PRKCSH: variants seen among roughly 807,000 people sequenced by gnomAD.
The protein encoded by PRKCSH is PRKCSH beta subunit of glucosidase II, also known as glucosidase 2 subunit beta.
PRKCSH carries 42 observed loss-of-function variants against 79.7 expected under a neutral mutation model. The observed-to-expected ratio is 0.53, with a 90% CI of 0.41 to 0.68. The LOEUF (loss-of-function observed/expected upper bound fraction) is 0.68. PRKCSH is among the 30% of genes least tolerant of loss of function. The probability of loss-of-function intolerance (pLI) is 0.00; values close to 1 mark genes in which losing one functional copy is unlikely to be tolerated. For synonymous variants in PRKCSH, 325 were observed against 288.2 expected (o/e 1.13, Z -1.29); for missense variants, 686 against 709.0 (o/e 0.97, Z 0.37).
chr19:11,441,408 A>T (rs769117850), intron 6 of PRKCSH, 51 bp downstream of exon 6: 2 of 1,560,138 alleles, frequency 1.3e-6, no homozygotes, highest in Admixed American at 1.7e-5. Flanking sequence ...TTGAGGCCTC[A>T]TAGTGTGGGC....
At chr19:11,438,307 G>A (rs1181525146) in intron 5 of PRKCSH, among the ~76,000 whole-genome samples, 183 bp downstream of exon 5, 9 of 152,060 alleles carry the variant, frequency 5.9e-5, no homozygotes, top group African/African-American at 9.7e-5. Context: ...ATTGTTTCCC[G>A]ATTCAACAGA....
rs1413946094 is a variant in PRKCSH, at chr19:11,449,077, A to C, written c.1363A>C (p.Thr455Pro). The part of the protein sequence containing the change: ...KLGGSPTSLG[T>P]WGSWIGPDHD... ...CTCAGCACCCTGTGTCTCTCACAGC[A>C]CCTGGGGCTCATGGATTGGCCCCGA... is the stretch of plus-strand genomic sequence containing the variant. Residue 455 changes from threonine to proline, a missense_variant and splice_region_variant, in exon 16 of 18, where the codon ACC (threonine) becomes CCC (proline). Thr to Pro is a conservative substitution (Grantham distance 38, BLOSUM62 -1). Around this residue, in one of 2 missense-constraint regions of PRKCSH, gnomAD observed 137 missense variants for 188.8 expected, o/e 0.73. Transcript: ENST00000677123. The surrounding 1 kb of genome is among the most constrained non-coding windows in gnomAD (Gnocchi z 6.4). The C allele has an allele frequency of 6.2e-7, 1 of 1,613,166 alleles. No homozygotes were observed. Among genetic ancestry groups the C allele is most frequent in the East Asian group, 2.2e-5 (1 of 44,872 alleles).
At position 11,447,079 on chromosome 19, in the gene PRKCSH, C is replaced by T. The variant is rs142664324; in HGVS notation, c.768C>T (p.Leu256=). The T allele has an allele frequency of 4.3e-5, 69 of 1,613,882 alleles. No homozygotes were observed. The highest frequency in any genetic ancestry group is 5.8e-5 in the Non-Finnish European group (69 of 1,179,892). Residue 256 remains leucine, a synonymous_variant, in exon 10 of 18, where the codon CTC becomes CTT. Transcript: ENST00000677123. This position sits in a 1 kb window ranked among gnomAD's most constrained non-coding sequence, Gnocchi z 5.6. ...ACCACCCCCAACACACACAGGCCCT[C>T]CTCAGTGGGGACACACAGACAGACG... ...GALSEAEAQA[L]LSGDTQTDAT...
At position 11,436,193 on chromosome 19, in the gene PRKCSH, A is replaced by C. The variant is rs1185476888; in HGVS notation, c.76A>C (p.Thr26Pro). Residue 26 changes from threonine to proline, a missense_variant, in exon 2 of 18, where the codon ACC becomes CCC. Thr to Pro is a conservative substitution (Grantham distance 38). Transcript: ENST00000677123. ...EVKRPRGVSL[T>P]NHHFYDESKP... ...CAAGAGGCCCCGGGGCGTCTCCCTC[A>C]CCAGTGAGTCCTCCTGTTCACCCTC... 6.3e-7 allele frequency: 1 copy of C among 1,585,240 alleles called. No homozygotes were observed. Among genetic ancestry groups the C allele is most frequent in the South Asian group, 1.1e-5 (1 of 88,550 alleles).
chr19:11,438,147 C>T (rs1969871342), intron 5 of PRKCSH, 23 bp downstream of exon 5: 1 of 1,612,816 alleles, frequency 6.2e-7, no homozygotes. Flanking sequence ...CAGTACCCCT[C>T]CCATCACCCC....
At chr19:11,446,799 T>G (rs1040467254) in intron 9 of PRKCSH, among the ~76,000 whole-genome samples, 2 of 151,990 alleles carry the variant, frequency 1.3e-5, no homozygotes, top group Admixed American at 6.5e-5. Context: ...GGTCCTGGGC[T>G]CTCTCTTCCT....
Position 11,448,651 on chromosome 19 carries a change from G to C in PRKCSH, c.1286+22G>C. The C allele has an allele frequency of 1.2e-6, 2 of 1,606,164 alleles. No individual in the cohort carries two copies. The highest frequency in any genetic ancestry group is 4.5e-5 in the East Asian group (2 of 44,836). Reference sequence around the variant, plus strand: ...ACGAGTGCGTCCCAGGAATGCAGGGGCCCCCACTGGCAGGGTGGGAGGCGG... The same window carrying C: ...ACGAGTGCGTCCCAGGAATGCAGGGCCCCCCACTGGCAGGGTGGGAGGCGG... On this transcript the variant is annotated intron_variant, in intron 14 of 17. Transcript: ENST00000677123. This position sits in a 1 kb window ranked among gnomAD's most constrained non-coding sequence, Gnocchi z 4.4.
chr19:11,446,286 A>G lies in PRKCSH; in HGVS notation c.698A>G (p.Glu233Gly), dbSNP rs1346957434. ...CGCCCCCGCAGGGTCTCGGTGACTG[A>G]GCTGCAGACTCACCCGGAGCTGGAC... ...DDMDGTVSVT[E>G]LQTHPELDTD... The change falls in exon 9 of 18, where the codon GAG becomes GGG. Residue 233 changes from glutamate (E) to glycine (G), a missense_variant. Glu to Gly is a moderately conservative substitution (Grantham distance 98). This residue lies in a region of PRKCSH where 549 missense variants were observed against 520.2 expected (regional missense o/e 1.06). Transcript: ENST00000677123. 6.2e-7 allele frequency: 1 copy of G among 1,613,088 alleles called. No individual in the cohort carries two copies. The highest frequency in any genetic ancestry group is 8.5e-7 in the Non-Finnish European group (1 of 1,179,608).
Position 11,442,459 on chromosome 19 carries a change from A to G in PRKCSH, c.542A>G (p.Glu181Gly), listed in dbSNP as rs1970105324. The G allele has an allele frequency of 6.2e-7, 1 of 1,612,238 alleles. No homozygotes were observed. Among genetic ancestry groups the G allele is most frequent in the Non-Finnish European group, 8.5e-7 (1 of 1,179,454 alleles). The change falls in exon 7 of 18, where the codon GAG (glutamate) becomes GGG (glycine). Residue 181 changes from glutamate (E) to glycine (G), a missense_variant. Physicochemically the swap from Glu to Gly is moderately conservative, Grantham distance 98. Coordinates refer to ENST00000677123, the MANE Select transcript of PRKCSH (RefSeq NM_001289104.2). ...DQVEMLRTVK[E>G]EAEKPEREAK... Reference sequence around the variant, plus strand: ...GTGGAGATGCTGCGGACAGTGAAGGAGGAAGCTGAGAAGCCAGAGAGAGAG... The same window carrying G: ...GTGGAGATGCTGCGGACAGTGAAGGGGGAAGCTGAGAAGCCAGAGAGAGAG...
Position 11,445,399 on chromosome 19 carries a change from T to C in PRKCSH, c.609T>C (p.Ala203=). 2 of 1,613,906 alleles carry C rather than the reference T, an allele frequency of 1.2e-6. No homozygotes were observed. Among genetic ancestry groups the C allele is most frequent in the Non-Finnish European group, 1.7e-6 (2 of 1,180,032 alleles). The change falls in exon 8 of 18, where the codon GCT becomes GCC. Residue 203 remains alanine (A), a synonymous_variant. Coordinates refer to ENST00000677123, the MANE Select transcript of PRKCSH (RefSeq NM_001289104.2). The stretch of plus-strand genomic sequence containing the variant: ...GTGGCTTCTTTACAGAGCAGCTGGC[T>C]GCTGCCAAGGCCCAACAGGAGCAGG... ...QHQKLWEEQL[A]AAKAQQEQEL... is the part of the protein sequence containing the mutation.
intron 7 of PRKCSH, among the ~76,000 whole-genome samples, chr19:11,443,513 T>G (rs1001869203): frequency 4.1e-5 from 6 of 146,950 alleles, no homozygotes; most frequent in African/African-American, 1.5e-4. Context: ...GCCCCTATAT[T>G]CCAGCCTGGC....
Position 11,441,251 on chromosome 19 carries a change from G to T in PRKCSH, c.362G>T (p.Arg121Leu), listed in dbSNP as rs377537927. 10 of 1,613,930 alleles carry T rather than the reference G, an allele frequency of 6.2e-6. No homozygotes were observed. Among genetic ancestry groups the T allele is most frequent in the Non-Finnish European group, 8.5e-6 (10 of 1,179,942 alleles). Residue 121 changes from arginine to leucine, a missense_variant, in exon 6 of 18, where the codon CGT (arginine) becomes CTT (leucine). Coordinates refer to ENST00000677123, the MANE Select transcript of PRKCSH (RefSeq NM_001289104.2). The part of the protein sequence containing the change: ...ICENTCKEKG[R>L]KERESLQQMA... ...TCTCCGCACCGCAGAGAGAAGGGCC[G>T]TAAGGAGAGAGAGTCCCTGCAGCAG...
chr19:11,445,292 A>C, intron 7 of PRKCSH, 97 bp from the exon 8 acceptor site: 1 of 1,117,126 alleles, frequency 9.0e-7, no homozygotes. Flanking sequence ...GGGGCCAGGC[A>C]TATAGTAGGC....
Position 11,436,126 on chromosome 19 carries a change from G to T in PRKCSH, c.9G>T (p.Leu3Phe). The T allele has an allele frequency of 6.2e-7, 1 of 1,608,730 alleles. No individual in the cohort carries two copies. Among genetic ancestry groups the T allele is most frequent in the Non-Finnish European group, 8.5e-7 (1 of 1,179,596 alleles). Residue 3 changes from leucine (L) to phenylalanine (F), a missense_variant, in exon 2 of 18, where the codon TTG (leucine) becomes TTT (phenylalanine). This residue lies in a region of PRKCSH where 549 missense variants were observed against 520.2 expected (regional missense o/e 1.06). Transcript: ENST00000677123. The part of the protein sequence containing the change: ML[L>F]PLLLLLPMCW... ...TCAGAGCGTCTGGTGAGATGCTGTT[G>T]CCGCTGCTGCTGCTGCTACCCATGT...
At chr19:11,440,568 CCCGTGTAGCTGGGATTACA>C (rs1293272188) in intron 5 of PRKCSH, among the ~76,000 whole-genome samples, 5 of 152,232 alleles carry the variant, frequency 3.3e-5, no homozygotes, top group South Asian at 2.1e-4. Context: ...GCCTCAGCCT[CCCGTGTAGCTGGGATTACA>C]CCGTGTAGCT....
At chr19:11,441,417 G>A in intron 6 of PRKCSH, 60 bp downstream of exon 6, 1 of 1,518,032 alleles carries the variant, frequency 6.6e-7, no homozygotes, top group Non-Finnish European at 9.1e-7. Context: ...CATAGTGTGG[G>A]CTTGCAAGGC....
In PRKCSH at chr19:11,448,042, G is replaced by C; in HGVS notation, c.1127-180G>C. ...CTGGCCCCACTCGCTCAGGAGCTGG[G>C]AGCCTGGGCAGCAAGTCGGGGCTGC... On this transcript the variant is annotated intron_variant, in intron 12 of 17. Transcript: ENST00000677123. This position sits in a 1 kb window ranked among gnomAD's most constrained non-coding sequence, Gnocchi z 4.4. 1 of 782,400 alleles carries C rather than the reference G, an allele frequency of 1.3e-6. No individual in the cohort carries two copies. Among genetic ancestry groups the C allele is most frequent in the Non-Finnish European group, 2.1e-6 (1 of 477,080 alleles). The allele number at this position is 782,400 out of a possible 1,614,324, so 48.5% of individuals were successfully genotyped here.
chr19:11,448,297 G>A lies in PRKCSH; in HGVS notation c.1196+6G>A, dbSNP rs958262771. On this transcript the variant is annotated splice_donor_region_variant and intron_variant, in intron 13 of 17. Transcript: ENST00000677123. The surrounding 1 kb of genome is among the most constrained non-coding windows in gnomAD (Gnocchi z 4.4). Reference sequence around the variant, plus strand: ...GACATGGAGGAGTCCATCAGGTAGCGGGGGCTGAGGAGCGGGGACACCTGT... The same window carrying A: ...GACATGGAGGAGTCCATCAGGTAGCAGGGGCTGAGGAGCGGGGACACCTGT... 9.5e-6 allele frequency: 15 copies of A among 1,571,022 alleles called. No homozygotes were observed. The African/African-American group carries it at 1.1e-4, about 11-fold the overall frequency.
chr19:11,445,100 TG>T (rs1323531193), intron 7 of PRKCSH, among the ~76,000 whole-genome samples: 1 of 152,080 alleles, frequency 6.6e-6, no homozygotes, highest in East Asian at 1.9e-4. Flanking sequence ...CTCTGCCACC[TG>T]GGTTCCCACC....
Sources: allele counts gnomAD v4.1 joint callset (sites outside exome capture counted in the v4.1 genomes callset), GRCh38; gene constraint gnomAD v4.1.1; regional missense constraint gnomAD v4.1.1; non-coding constraint Gnocchi (gnomAD v3.1); transcripts MANE v1.5; gene names NCBI Gene and HGNC (gene_info 2026-07-23, HGNC 2026-07-21).